The following MIPOL1 variants were observed in gnomAD, a reference collection of about 807,000 sequenced individuals.
MIPOL1 encodes mirror-image polydactyly 1.
A neutral mutation model predicts 60.9 loss-of-function variants in MIPOL1; 57 were observed. The observed-to-expected ratio is 0.94, with a 90% CI of 0.76 to 1.17. The LOEUF is 1.17. Among genes scored for constraint, MIPOL1 ranks in the 50% most tolerant of loss-of-function variants. The pLI is 0.00. For missense variants in MIPOL1, 551 were observed against 511.6 expected (o/e 1.08, Z -0.74); for synonymous variants, 179 against 168.8 (o/e 1.06, Z -0.47).
Position 37,211,433 on chromosome 14 carries a change from A to G in MIPOL1, c.-199+13329A>G, listed in dbSNP as rs1002319334. On this transcript the variant is annotated intron_variant, in intron 1 of 12. Transcript: ENST00000684589. ...GGGAGAGAAAACACAACAATTGTGAAACATTGAACTCAGTACTGTCCTGTT... is the reference window on the plus strand; with the variant it reads ...GGGAGAGAAAACACAACAATTGTGAGACATTGAACTCAGTACTGTCCTGTT... Among the ~76,000 whole-genome samples, 15 of 152,110 alleles carry G rather than the reference A, an allele frequency of 9.9e-5. 2 individuals carry two copies. The highest frequency in any genetic ancestry group is 3.6e-4 in the African/African-American group (15 of 41,438).
chr14:37,450,946 A>G (rs1350756839), intron 11 of MIPOL1, among the ~76,000 whole-genome samples: 1 of 152,142 alleles, frequency 6.6e-6, no homozygotes, highest in African/African-American at 2.4e-5. Flanking sequence ...AAATATTTTT[A>G]AGAAGCCTTG....
chr14:37,437,397 A>G (rs1283018235), intron 11 of MIPOL1, among the ~76,000 whole-genome samples: 1 of 51,278 alleles, frequency 2.0e-5, no homozygotes, highest in Admixed American at 3.1e-4. Context: ...TAGTTGTTCT[A>G]AACTATAAAA....
At chr14:37,284,621 G>A (rs1014094714) in intron 6 of MIPOL1, among the ~76,000 whole-genome samples, 4 of 152,328 alleles carry the variant, frequency 2.6e-5, no homozygotes, top group South Asian at 4.1e-4. Flanking sequence ...GGGATTACAG[G>A]CGTGAGCCAT....
At chr14:37,512,385 C>G (rs1454059818) in intron 12 of MIPOL1, among the ~76,000 whole-genome samples, 1 of 151,650 alleles carries the variant, frequency 6.6e-6, no homozygotes, top group African/African-American at 2.4e-5. Flanking sequence ...ACAAACTCAG[C>G]TGCTTAATCT....
At chr14:37,234,828 T>C (rs1323843422) in intron 1 of MIPOL1, among the ~76,000 whole-genome samples, 1 of 151,214 alleles carries the variant, frequency 6.6e-6, no homozygotes, top group Non-Finnish European at 1.5e-5. Flanking sequence ...CAGGCTGGAG[T>C]GTAGCGGCAC....
At chr14:37,222,148 A>G (rs1968889039) in intron 1 of MIPOL1, among the ~76,000 whole-genome samples, 1 of 152,146 alleles carries the variant, frequency 6.6e-6, no homozygotes, top group African/African-American at 2.4e-5. Flanking sequence ...TTACTGTTAC[A>G]AAACAGAGAA....
Position 37,361,427 on chromosome 14 carries a change from G to T in MIPOL1, c.829-8090G>T, listed in dbSNP as rs140189726. Among the ~76,000 whole-genome samples, 253 of 152,036 alleles carry T rather than the reference G, an allele frequency of 1.7e-3. 1 individual carries two copies. Among genetic ancestry groups the T allele is most frequent in the African/African-American group, 5.8e-3 (239 of 41,454 alleles). On this transcript the variant is annotated intron_variant, in intron 9 of 12. Coordinates refer to ENST00000684589, the MANE Select transcript of MIPOL1 (RefSeq NM_001388067.1). The stretch of plus-strand genomic sequence containing the variant: ...TGATCAGTCTAATATTGACAGTGGG[G>T]TGTTAAGGTCTCCCATTACTACTGT...
intron 12 of MIPOL1, among the ~76,000 whole-genome samples, chr14:37,524,420 T>C (rs1566772570): frequency 6.6e-6 from 1 of 152,016 alleles, no homozygotes; most frequent in Non-Finnish European, 1.5e-5. Context: ...GGGAATACCA[T>C]TTACTGAGAT....
At chr14:37,273,767 T>A (rs1214082461) in intron 6 of MIPOL1, among the ~76,000 whole-genome samples, 1 of 151,472 alleles carries the variant, frequency 6.6e-6, no homozygotes, top group Non-Finnish European at 1.5e-5. Flanking sequence ...GGCACGTTTT[T>A]TAGCCTCTTT....
At chr14:37,360,213 T>G (rs1449029233) in intron 9 of MIPOL1, among the ~76,000 whole-genome samples, 1 of 152,174 alleles carries the variant, frequency 6.6e-6, no homozygotes, top group Non-Finnish European at 1.5e-5. Flanking sequence ...GCTGCTGGAT[T>G]CGGTTTGCCA....
chr14:37,289,800 C>CA (rs1239321427), intron 7 of MIPOL1, among the ~76,000 whole-genome samples: 1 of 152,144 alleles, frequency 6.6e-6, no homozygotes, highest in Non-Finnish European at 1.5e-5. Context: ...GGTTGAAGCT[C>CA]AAAGTCACAA....
chr14:37,333,386 G>A (rs184348833), intron 9 of MIPOL1, among the ~76,000 whole-genome samples: 10 of 151,426 alleles, frequency 6.6e-5, no homozygotes, highest in African/African-American at 2.4e-4. Flanking sequence ...CTGATATACC[G>A]GGCCTACACA....
intron 10 of MIPOL1, among the ~76,000 whole-genome samples, chr14:37,391,854 T>C (rs1187388806): frequency 6.6e-6 from 1 of 152,106 alleles, no homozygotes; most frequent in African/African-American, 2.4e-5. Context: ...ATTAGACTGT[T>C]ATAAGGCAGG....
At chr14:37,201,882 T>TG (rs1965396163) in intron 1 of MIPOL1, among the ~76,000 whole-genome samples, 1 of 152,208 alleles carries the variant, frequency 6.6e-6, no homozygotes. Context: ...TCACTCAGGC[T>TG]GGAGTACAGT....
intron 11 of MIPOL1, among the ~76,000 whole-genome samples, chr14:37,473,531 CTG>C (rs2094721068): frequency 6.6e-6 from 1 of 152,088 alleles, no homozygotes; most frequent in African/African-American, 2.4e-5. Flanking sequence ...CACTCCTACT[CTG>C]TGTGTGTGAA....
At chr14:37,253,781 T>A (rs1483011886) in intron 3 of MIPOL1, among the ~76,000 whole-genome samples, 3 of 151,780 alleles carry the variant, frequency 2.0e-5, no homozygotes, top group Non-Finnish European at 4.4e-5. Flanking sequence ...GTTAGTATAT[T>A]TGATAGACTA....
chr14:37,233,616 CAAAG>C (rs1378552353), intron 1 of MIPOL1, among the ~76,000 whole-genome samples: 2 of 152,034 alleles, frequency 1.3e-5, no homozygotes, highest in Non-Finnish European at 2.9e-5. Context: ...TTAGGAAACA[CAAAG>C]AAGTCAGAAG....
chr14:37,258,662 C>T (rs771086196), intron 3 of MIPOL1, among the ~76,000 whole-genome samples: 13 of 152,082 alleles, frequency 8.5e-5, no homozygotes, highest in East Asian at 5.8e-4. Context: ...TAGGATATTA[C>T]GCTATTATAT....
intron 9 of MIPOL1, among the ~76,000 whole-genome samples, chr14:37,316,588 G>A (rs1356788413): frequency 1.1e-4 from 5 of 44,058 alleles, no homozygotes; most frequent in Admixed American, 4.1e-4. Flanking sequence ...ATGGTATCTT[G>A]GGAGGTTTTT....
Sources: gnomAD v4.1 joint callset for allele counts (sites outside exome capture counted in the v4.1 genomes callset) on GRCh38, gnomAD v4.1.1 for gene constraint, MANE v1.5 for transcripts, NCBI Gene and HGNC (gene_info 2026-07-23, HGNC 2026-07-21) for gene names.